Variants in DNER observed in about 807,000 individuals in gnomAD.
DNER encodes delta and Notch-like epidermal growth factor-related receptor.
DNER carries 33 observed loss-of-function variants against 78.2 expected under a neutral mutation model. That is an observed-to-expected ratio of 0.42 (90% CI 0.32 to 0.56). The LOEUF is 0.56. Ranked by LOEUF, DNER falls within the 20% of genes least tolerant of loss-of-function variation. DNER has a pLI of 0.11. For synonymous variants in DNER, 417 were observed against 384.8 expected (o/e 1.08, Z -0.98); for missense variants, 918 against 975.3 (o/e 0.94, Z 0.78).
At chr2:229,421,425 T>C (rs1693760970) in intron 8 of DNER, among the ~76,000 whole-genome samples, 1 of 150,980 alleles carries the variant, frequency 6.6e-6, no homozygotes, top group Non-Finnish European at 1.5e-5. Context: ...TAATGCTGTG[T>C]TTTTTTACCA....
chr2:229,598,339 C>T (rs186678130), intron 1 of DNER, among the ~76,000 whole-genome samples: 7 of 152,330 alleles, frequency 4.6e-5, no homozygotes, highest in African/African-American at 1.4e-4. Flanking sequence ...TTATCAAGCA[C>T]CTATGATGTG....
In DNER at chr2:229,660,079, T is replaced by G. The variant is rs569422949; in HGVS notation, c.276+54069A>C. ...GCCCATCTTTTAGTAGAGGTGACATTCTTCATTGACTTCTTTTAAGGAAAT... is the reference window on the plus strand; with the variant it reads ...GCCCATCTTTTAGTAGAGGTGACATGCTTCATTGACTTCTTTTAAGGAAAT... On this transcript the variant is annotated intron_variant, in intron 1 of 12. Transcript: ENST00000341772. Among the ~76,000 whole-genome samples the G allele has an allele frequency of 6.0e-4, 92 of 152,298 alleles. 1 individual carries two copies. The highest frequency in any genetic ancestry group is 1.5e-3 in the South Asian group (7 of 4,826).
intron 6 of DNER, among the ~76,000 whole-genome samples, chr2:229,491,198 A>G (rs188116153): frequency 1.2e-3 from 189 of 152,312 alleles, no homozygotes; most frequent in Admixed American, 2.7e-3. Context: ...TTCCTGCATC[A>G]TGACCTTTGC....
chr2:229,671,416 T>C (rs970370790), intron 1 of DNER, among the ~76,000 whole-genome samples: 2 of 152,220 alleles, frequency 1.3e-5, no homozygotes, highest in South Asian at 2.1e-4. Context: ...TCCTATCCAA[T>C]GTAACCAGCC....
chr2:229,430,157 T>C (rs935928321), intron 8 of DNER, among the ~76,000 whole-genome samples: 1 of 152,240 alleles, frequency 6.6e-6, no homozygotes, highest in Admixed American at 6.5e-5. Flanking sequence ...GAAAAACATC[T>C]TCCAAAATTG....
At chr2:229,537,161 T>C (rs1030506925) in intron 5 of DNER, among the ~76,000 whole-genome samples, 4 of 152,114 alleles carry the variant, frequency 2.6e-5, no homozygotes, top group South Asian at 2.1e-4. Context: ...AAGATCCTCA[T>C]ATGATTCACG....
intron 12 of DNER, among the ~76,000 whole-genome samples, chr2:229,363,456 T>A (rs922792479): frequency 5.3e-5 from 8 of 152,198 alleles, no homozygotes; most frequent in Non-Finnish European, 1.0e-4. Flanking sequence ...AGAGGGCCAA[T>A]CAGCCTGAGA....
At chr2:229,472,321 T>C (rs1694940906) in intron 7 of DNER, among the ~76,000 whole-genome samples, 1 of 152,194 alleles carries the variant, frequency 6.6e-6, no homozygotes, top group Admixed American at 6.5e-5. Context: ...GGTGGTTCCG[T>C]TTGACCAGCT....
chr2:229,379,232 T>C (rs745332986), intron 11 of DNER, among the ~76,000 whole-genome samples: 1 of 152,180 alleles, frequency 6.6e-6, no homozygotes, highest in Non-Finnish European at 1.5e-5. Flanking sequence ...ATAAGAGGTA[T>C]AGTAGTACAG....
At chr2:229,404,507 G>A (rs1693339284) in intron 10 of DNER, among the ~76,000 whole-genome samples, 2 of 152,200 alleles carry the variant, frequency 1.3e-5, no homozygotes, top group African/African-American at 2.4e-5. Context: ...CTTGACATGT[G>A]GGGATTATGG....
At chr2:229,686,924 C>T (rs951906714) in intron 1 of DNER, among the ~76,000 whole-genome samples, 6 of 152,152 alleles carry the variant, frequency 3.9e-5, no homozygotes, top group Admixed American at 3.9e-4. Flanking sequence ...AGCCAAAATC[C>T]CAAAATCTTT....
At chr2:229,713,923 C>G (rs1699948649) in intron 1 of DNER, among the ~76,000 whole-genome samples, 1 of 152,172 alleles carries the variant, frequency 6.6e-6, no homozygotes, top group Non-Finnish European at 1.5e-5. Flanking sequence ...GCGGCACACC[C>G]CGAGAGCCCG....
At position 229,399,303 on chromosome 2, in the gene DNER, T is replaced by TAG. The variant is rs1553603156; in HGVS notation, c.1723+7928_1723+7929insCT. 6.7e-5 allele frequency among the ~76,000 whole-genome samples: 10 copies of TAG among 149,700 alleles called. No individual in the cohort carries two copies. In the East Asian group the frequency reaches 7.8e-4, roughly 12 times the overall value. On this transcript the variant is annotated intron_variant, in intron 10 of 12. Transcript: ENST00000341772. The stretch of plus-strand genomic sequence containing the variant: ...ATTTACAATCACTAAAAATACACCA[T>TAG]ACACACACACACACACACATGCATA...
Position 229,358,419 on chromosome 2 carries a change from A to C in DNER, c.*121T>G. ...TAAAAGCTGCAGAAAATTAGTTCTTAAATATTCTACTGAAAACTCTTGAGC... is the reference window on the plus strand; with the variant it reads ...TAAAAGCTGCAGAAAATTAGTTCTTCAATATTCTACTGAAAACTCTTGAGC... On this transcript the variant is annotated 3_prime_UTR_variant, in exon 13 of 13. Transcript: ENST00000341772. The C allele has an allele frequency of 2.4e-6, 2 of 818,156 alleles. No homozygotes were observed. The highest frequency in any genetic ancestry group is 3.6e-6 in the Non-Finnish European group (2 of 558,412). The allele number at this position is 818,156 out of a possible 1,614,324, so 50.7% of individuals were successfully genotyped here.
At chr2:229,702,329 G>A (rs899185479) in intron 1 of DNER, among the ~76,000 whole-genome samples, 1 of 151,704 alleles carries the variant, frequency 6.6e-6, no homozygotes, top group Non-Finnish European at 1.5e-5. Flanking sequence ...GAGCCCAGGA[G>A]GTCGAGAACA....
At chr2:229,656,818 A>C (rs1260564823) in intron 1 of DNER, among the ~76,000 whole-genome samples, 1 of 152,208 alleles carries the variant, frequency 6.6e-6, no homozygotes, top group East Asian at 1.9e-4. Context: ...TCTGAAAAAC[A>C]TGAAGGCAAT....
At chr2:229,714,043 C>T in intron 1 of DNER, 105 bp downstream of exon 1, 1 of 1,110,602 alleles carries the variant, frequency 9.0e-7, no homozygotes, top group Non-Finnish European at 1.1e-6. Flanking sequence ...AGTGGGAAAG[C>T]CTGTGTCAGG....
chr2:229,398,847 T>C (rs1693205264), intron 10 of DNER, among the ~76,000 whole-genome samples: 1 of 152,006 alleles, frequency 6.6e-6, no homozygotes, highest in Non-Finnish European at 1.5e-5. Context: ...CACATGATCA[T>C]ATCAATCCAT....
intron 1 of DNER, among the ~76,000 whole-genome samples, chr2:229,638,770 T>C (rs898009800): frequency 2.6e-5 from 4 of 152,360 alleles, no homozygotes; most frequent in African/African-American, 9.6e-5. Context: ...AATTATATCC[T>C]TTCACTACTA....
Sources: gnomAD v4.1 joint callset for allele counts (sites outside exome capture counted in the v4.1 genomes callset) on GRCh38, gnomAD v4.1.1 for gene constraint, MANE v1.5 for transcripts, NCBI Gene and HGNC (gene_info 2026-07-23, HGNC 2026-07-21) for gene names.